Variants in MEGF6 observed in about 807,000 individuals in gnomAD.
MEGF6 encodes the protein multiple epidermal growth factor-like domains protein 6.
Under a neutral mutation model 207.1 loss-of-function variants are expected in MEGF6, and 184 were observed. That is an observed-to-expected ratio of 0.89 (90% CI 0.79 to 1.00). The LOEUF (loss-of-function observed/expected upper bound fraction) is 1.00, where lower values mean the gene tolerates loss of function less well. Ranked by LOEUF, MEGF6 falls within the 50% of genes least tolerant of loss-of-function variation. The probability of loss-of-function intolerance (pLI) is 0.00; values close to 1 mark genes in which losing one functional copy is unlikely to be tolerated. For synonymous variants in MEGF6, 1,038 were observed against 910.0 expected (o/e 1.14, Z -2.53); for missense variants, 2,282 against 2,202.9 (o/e 1.04, Z -0.72).
At chr1:3,580,133 G>C (rs764366828) in intron 3 of MEGF6, among the ~76,000 whole-genome samples, 4 of 152,152 alleles carry the variant, frequency 2.6e-5, no homozygotes, top group Non-Finnish European at 5.9e-5. Context: ...GTGCAGTTGG[G>C]GTTAGGCGGA....
In MEGF6 at chr1:3,488,369, C is replaced by G. The variant is rs1475825628; in HGVS notation, c.*2159G>C. On this transcript the variant is annotated 3_prime_UTR_variant, in exon 37 of 37. Coordinates refer to ENST00000356575, the MANE Select transcript of MEGF6 (RefSeq NM_001409.4). Reference sequence around the variant, plus strand: ...TGAGTGATTGGTACCTGCCAGGCCCCCCGTCCACACCCTCACACCATGCTG... The same window carrying G: ...TGAGTGATTGGTACCTGCCAGGCCCGCCGTCCACACCCTCACACCATGCTG... Among the ~76,000 whole-genome samples, 7 of 152,220 alleles carry G rather than the reference C, an allele frequency of 4.6e-5. No homozygotes were observed. Among genetic ancestry groups the G allele is most frequent in the Admixed American group, 6.5e-5 (1 of 15,278 alleles).
intron 4 of MEGF6, among the ~76,000 whole-genome samples, chr1:3,569,085 C>T (rs1643427258): frequency 1.3e-5 from 2 of 152,196 alleles, no homozygotes; most frequent in South Asian, 4.1e-4. Flanking sequence ...CAGACACTCC[C>T]AGAGGGAGCT....
At chr1:3,498,856 A>AT in intron 24 of MEGF6, 30 bp from the exon 25 acceptor site, 1 of 1,544,410 alleles carries the variant, frequency 6.5e-7, no homozygotes, top group South Asian at 1.2e-5. Flanking sequence ...AGCAACCTGC[A>AT]TCCCCCAGCC....
upstream of MEGF6, among the ~76,000 whole-genome samples, chr1:3,613,488 G>T (rs1428243521): frequency 6.6e-6 from 1 of 152,200 alleles, no homozygotes; most frequent in Non-Finnish European, 1.5e-5. Context: ...TCAAGTGAAT[G>T]AATTAACACC....
chr1:3,582,962 G>A (rs542529778), intron 3 of MEGF6, among the ~76,000 whole-genome samples: 11 of 152,268 alleles, frequency 7.2e-5, no homozygotes, highest in South Asian at 6.2e-4. Flanking sequence ...TCGCTGTCAC[G>A]CACCCAGTTC....
chr1:3,523,578 G>T (rs1231540474), intron 5 of MEGF6, among the ~76,000 whole-genome samples: 1 of 152,150 alleles, frequency 6.6e-6, no homozygotes, highest in Admixed American at 6.5e-5. Context: ...ACACCCTCCA[G>T]GCTCCCCAAG....
chr1:3,507,944 G>A (rs41315296), intron 13 of MEGF6, 21 bp from the exon 14 acceptor site: 94,537 of 1,603,960 alleles, frequency 0.059, 3,076 homozygotes, highest in East Asian at 0.11. Context: ...TGACAGGGAA[G>A]CGTCAGGGTC....
intron 1 of MEGF6, among the ~76,000 whole-genome samples, chr1:3,609,348 A>G (rs1214920421): frequency 1.3e-5 from 2 of 151,702 alleles, no homozygotes; most frequent in African/African-American, 4.8e-5. Context: ...CAGCCCACCA[A>G]CTCCGGCCCA....
rs1643745967 is a variant in MEGF6 at position 3,579,752 on chromosome 1, G to T, written c.481+73C>A. On this transcript the variant is annotated intron_variant, in intron 4 of 36. Coordinates refer to ENST00000356575, the MANE Select transcript of MEGF6 (RefSeq NM_001409.4). The stretch of plus-strand genomic sequence containing the variant: ...ACAGCTGTGCTGGGGACGGCCAGTG[G>T]CCGACACATCCTCGCCCCTTGCCCA... The T allele has an allele frequency of 8.9e-6, 10 of 1,128,506 alleles. No homozygotes were observed. In the East Asian group the frequency reaches 2.8e-4, roughly 31 times the overall value. The allele number at this position is 1,128,506 out of a possible 1,614,324, so 69.9% of individuals were successfully genotyped here. A position where few individuals can be genotyped will look rare whatever the true frequency, so the allele number is the denominator to read the frequency against.
Position 3,560,640 on chromosome 1 carries a change from G to T in MEGF6, c.481+19185C>A. The T allele has an allele frequency of 2.3e-6, 1 of 435,998 alleles. No individual in the cohort carries two copies. The highest frequency in any genetic ancestry group is 4.9e-6 in the Non-Finnish European group (1 of 205,694). The allele number at this position is 435,998 out of a possible 1,614,324, so 27.0% of individuals were successfully genotyped here. A position where few individuals can be genotyped will look rare whatever the true frequency, so the allele number is the denominator to read the frequency against. On this transcript the variant is annotated intron_variant, in intron 4 of 36. Coordinates refer to ENST00000356575, the MANE Select transcript of MEGF6 (RefSeq NM_001409.4). The surrounding 1 kb of genome is among the most constrained non-coding windows in gnomAD (Gnocchi z 4.0). ...CAGGGAAAGGCTCTGGGGATCCGGG[G>T]TCCCTTCCCAGGCTTGGGGGAGGCT...
At chr1:3,540,101 C>G (rs1189154916) in intron 4 of MEGF6, among the ~76,000 whole-genome samples, 1 of 152,236 alleles carries the variant, frequency 6.6e-6, no homozygotes, top group South Asian at 2.1e-4. Context: ...ACTGCCCCAG[C>G]GTCCTGGTTC....
At chr1:3,609,055 C>G (rs886124679) in intron 1 of MEGF6, among the ~76,000 whole-genome samples, 3 of 152,200 alleles carry the variant, frequency 2.0e-5, no homozygotes, top group Non-Finnish European at 4.4e-5. Context: ...AACACTCAGC[C>G]AGCGGGGGTG....
intron 14 of MEGF6, among the ~76,000 whole-genome samples, chr1:3,506,911 A>C (rs1444702729): frequency 6.6e-6 from 1 of 152,236 alleles, no homozygotes; most frequent in Admixed American, 6.5e-5. Flanking sequence ...GCCGAGACAG[A>C]AAGAGGAGGC....
At position 3,490,217 on chromosome 1, in the gene MEGF6, T is replaced by G; in HGVS notation, c.*311A>C. On this transcript the variant is annotated 3_prime_UTR_variant, in exon 37 of 37. Coordinates refer to ENST00000356575, the MANE Select transcript of MEGF6 (RefSeq NM_001409.4). ...GCACCCACACTGGCGCCCACACCTGTCCTCAGTCCAACTCAGAGCCGCGGG... is the reference window on the plus strand; with the variant it reads ...GCACCCACACTGGCGCCCACACCTGGCCTCAGTCCAACTCAGAGCCGCGGG... The G allele has an allele frequency of 2.2e-6, 1 of 446,270 alleles. No individual in the cohort carries two copies. The highest frequency in any genetic ancestry group is 4.0e-6 in the Non-Finnish European group (1 of 250,790). 27.6% of individuals were successfully genotyped at this position (446,270 alleles called of 1,614,324 possible).
chr1:3,605,883 G>A (rs1644242867), intron 1 of MEGF6, among the ~76,000 whole-genome samples: 1 of 152,198 alleles, frequency 6.6e-6, no homozygotes, highest in Non-Finnish European at 1.5e-5. Flanking sequence ...CAGGTTCCAG[G>A]ACCCGGCCCC....
chr1:3,494,579 G>A (rs920424531), intron 31 of MEGF6, 34 bp downstream of exon 31: 4 of 1,559,948 alleles, frequency 2.6e-6, no homozygotes, highest in Non-Finnish European at 3.5e-6. Flanking sequence ...CTCCCTGAGG[G>A]GATGCTGGGG....
At chr1:3,510,476 C>T (rs973133088) in intron 10 of MEGF6, among the ~76,000 whole-genome samples, 26 of 148,332 alleles carry the variant, frequency 1.8e-4, no homozygotes, top group African/African-American at 6.2e-4. Context: ...CAGCCCTGCA[C>T]GCAGCAGGCG....
chr1:3,511,278 G>A (rs1641335698), intron 9 of MEGF6, among the ~76,000 whole-genome samples: 1 of 152,210 alleles, frequency 6.6e-6, no homozygotes, highest in Admixed American at 6.5e-5. Flanking sequence ...CAGGTGAAGG[G>A]GTGGTACTGA....
chr1:3,536,455 G>A (rs965757506), intron 4 of MEGF6, among the ~76,000 whole-genome samples: 10 of 152,116 alleles, frequency 6.6e-5, no homozygotes, highest in Non-Finnish European at 1.3e-4. Flanking sequence ...GCTCTGGGCC[G>A]TCCCTCCTGC....
Sources: allele counts gnomAD v4.1 joint callset (sites outside exome capture counted in the v4.1 genomes callset), GRCh38; gene constraint gnomAD v4.1.1; non-coding constraint Gnocchi (gnomAD v3.1); transcripts MANE v1.5; gene names NCBI Gene and HGNC (gene_info 2026-07-23, HGNC 2026-07-21).